The following KIAA0586 variants were observed in gnomAD, a reference collection of about 807,000 sequenced individuals.
KIAA0586 encodes KIAA0586.
KIAA0586 carries 144 observed loss-of-function variants against 169.8 expected under a neutral mutation model. The observed-to-expected ratio is 0.85, with a 90% confidence interval of 0.74 to 0.97. The LOEUF is 0.97. Ranked by LOEUF, KIAA0586 falls within the 50% of genes least tolerant of loss-of-function variation. KIAA0586 has a pLI of 0.00. For missense variants in KIAA0586, 1,854 were observed against 1,823.0 expected (o/e 1.02, Z -0.31); for synonymous variants, 625 against 612.4 (o/e 1.02, Z -0.30).
chr14:58,527,349 A>G (rs1304151658), intron 29 of KIAA0586, among the ~76,000 whole-genome samples: 1 of 152,190 alleles, frequency 6.6e-6, no homozygotes, highest in Non-Finnish European at 1.5e-5. Flanking sequence ...CAGGAAATAT[A>G]GAGCATACCA....
intron 29 of KIAA0586, among the ~76,000 whole-genome samples, chr14:58,530,958 T>C (rs1377580162): frequency 6.6e-6 from 1 of 152,090 alleles, no homozygotes; most frequent in Non-Finnish European, 1.5e-5. Flanking sequence ...AAAGGGCTAA[T>C]ATCTAGAATC....
At chr14:58,530,184 G>C (rs961258165) in intron 29 of KIAA0586, among the ~76,000 whole-genome samples, 1 of 151,956 alleles carries the variant, frequency 6.6e-6, no homozygotes, top group African/African-American at 2.4e-5. Context: ...CACTGCTCAA[G>C]GAAATAAGGA....
rs755889131 is a variant in KIAA0586 at position 58,482,599 on chromosome 14, G to A, written c.3031G>A (p.Glu1011Lys). ...NSNVIKHFVN[E>K]ALAETIAVML... ...AAATGTGATTAAACATTTTGTTAAC[G>A]AAGCTCTTGCTGAGACCATTGCTGT... The change falls in exon 21 of 31, where the codon GAA becomes AAA. Residue 1011 changes from glutamate (E) to lysine (K), a missense_variant. Glu to Lys is a moderately conservative substitution (Grantham distance 56). Coordinates refer to ENST00000652326, the MANE Select transcript of KIAA0586 (RefSeq NM_001329943.3). 28 of 1,605,398 alleles carry A rather than the reference G, an allele frequency of 1.7e-5. No homozygotes were observed. Among genetic ancestry groups the A allele is most frequent in the African/African-American group, 1.3e-4 (10 of 74,426 alleles).
At chr14:58,461,829 T>G (rs1213911199) in intron 14 of KIAA0586, among the ~76,000 whole-genome samples, 2 of 152,252 alleles carry the variant, frequency 1.3e-5, no homozygotes, top group East Asian at 3.8e-4. Context: ...AAAACTTTTT[T>G]GTTGCTTTTG....
intron 4 of KIAA0586, among the ~76,000 whole-genome samples, chr14:58,434,805 C>G (rs993747121): frequency 6.6e-6 from 1 of 152,250 alleles, no homozygotes; most frequent in African/African-American, 2.4e-5. Flanking sequence ...GGATCTCGCT[C>G]TGTCACCCAG....
chr14:58,445,783 CTTTTTT>C (rs34119416), intron 6 of KIAA0586, among the ~76,000 whole-genome samples: 1 of 124,792 alleles, frequency 8.0e-6, no homozygotes, highest in Non-Finnish European at 1.6e-5. Context: ...TCAGTAAACT[CTTTTTT>C]TTTTTTTTTT....
At chr14:58,515,515 T>C (rs2044688876) in intron 29 of KIAA0586, among the ~76,000 whole-genome samples, 1 of 152,162 alleles carries the variant, frequency 6.6e-6, no homozygotes, top group Non-Finnish European at 1.5e-5. Context: ...AGTAGAATGG[T>C]GCATTTTTTG....
chr14:58,462,214 C>A (rs2040381292), intron 14 of KIAA0586, among the ~76,000 whole-genome samples: 2 of 149,902 alleles, frequency 1.3e-5, no homozygotes, highest in Non-Finnish European at 1.5e-5. Context: ...TGGTATTTAC[C>A]CTGAAGTTTT....
intron 4 of KIAA0586, among the ~76,000 whole-genome samples, chr14:58,442,333 C>T (rs1175086590): frequency 2.0e-5 from 3 of 152,352 alleles, no homozygotes; most frequent in African/African-American, 7.2e-5. Flanking sequence ...TGGCCTCTAA[C>T]TCCTGACCTG....
At chr14:58,454,849 C>T (rs2039689026) in intron 9 of KIAA0586, among the ~76,000 whole-genome samples, 1 of 152,178 alleles carries the variant, frequency 6.6e-6, no homozygotes, top group Non-Finnish European at 1.5e-5. Context: ...CACTTTTGAA[C>T]AATAATTTTG....
chr14:58,500,738 A>T (rs866456208), intron 27 of KIAA0586, among the ~76,000 whole-genome samples: 3 of 151,720 alleles, frequency 2.0e-5, no homozygotes, highest in African/African-American at 7.3e-5. Context: ...AAAAAAAAGA[A>T]AAGAAACACT....
chr14:58,518,189 A>G (rs2044902169), intron 29 of KIAA0586, among the ~76,000 whole-genome samples: 1 of 152,218 alleles, frequency 6.6e-6, no homozygotes, highest in Non-Finnish European at 1.5e-5. Context: ...CTAAAAGCTT[A>G]TCACTTGGGA....
downstream of KIAA0586, among the ~76,000 whole-genome samples, chr14:58,554,857 A>C (rs1025425071): frequency 6.6e-6 from 1 of 152,156 alleles, no homozygotes; most frequent in Non-Finnish European, 1.5e-5. Context: ...CATGGGCTGT[A>C]GTGTGCCAGC....
intron 2 of KIAA0586, among the ~76,000 whole-genome samples, chr14:58,429,968 C>T (rs1018368794): frequency 6.6e-6 from 1 of 152,118 alleles, no homozygotes; most frequent in Admixed American, 6.5e-5. Flanking sequence ...ATAGTGTTGA[C>T]CTATGTATTG....
In KIAA0586 at chr14:58,551,149, A is replaced by G. The variant is rs905508280; in HGVS notation, c.*3217A>G. On this transcript the variant is annotated 3_prime_UTR_variant, in exon 31 of 31. Transcript: ENST00000652326. ...GGTGGCAACGAGCTGAGACTGCACCACTTAACTCCAGCCTGGGCAACAGAG... is the reference window on the plus strand; with the variant it reads ...GGTGGCAACGAGCTGAGACTGCACCGCTTAACTCCAGCCTGGGCAACAGAG... 1.3e-5 allele frequency: 2 copies of G among 151,920 alleles called. No individual in the cohort carries two copies. The highest frequency in any genetic ancestry group is 3.2e-3 in the Middle Eastern group (1 of 316). The allele number at this position is 151,920 out of a possible 1,614,324, so 9.4% of individuals were successfully genotyped here.
rs5808974 is a variant in KIAA0586, at chr14:58,489,223, A to ATTTT, written c.3781+362_3781+365dup. On this transcript the variant is annotated intron_variant, in intron 24 of 30. Transcript: ENST00000652326. ...CTATGCATATTGTTTTGAAACCTGA[A>ATTTT]TTTTTTTTTTTTTTTTGAGACAGGT... Among the ~76,000 whole-genome samples the ATTTT allele has an allele frequency of 7.4e-3, 1,002 of 135,632 alleles. 40 individuals are homozygous for ATTTT. Among genetic ancestry groups the ATTTT allele is most frequent in the Non-Finnish European group, 9.6e-3 (624 of 65,138 alleles). The allele number at this position is 135,632 out of a possible 152,430, so 89.0% of individuals were successfully genotyped here.
At chr14:58,469,473 G>A (rs1213794020) in intron 16 of KIAA0586, among the ~76,000 whole-genome samples, 1 of 152,176 alleles carries the variant, frequency 6.6e-6, no homozygotes, top group Admixed American at 6.5e-5. Context: ...GGCTTCGGGA[G>A]ACCTGGGGAC....
chr14:58,556,790 G>C, the KIAA0586 span, among the ~76,000 whole-genome samples: 50 of 152,128 alleles, frequency 3.3e-4, no homozygotes, highest in African/African-American at 1.2e-3. Context: ...TTGTTGTCCA[G>C]GCTGGAGTGC....
chr14:58,449,708 A>C (rs1002835287), intron 7 of KIAA0586, among the ~76,000 whole-genome samples: 1 of 152,178 alleles, frequency 6.6e-6, no homozygotes, highest in Non-Finnish European at 1.5e-5. Context: ...AGTATGACCC[A>C]GCTGAGTGCC....
Sources: allele counts gnomAD v4.1 joint callset (sites outside exome capture counted in the v4.1 genomes callset), GRCh38; gene constraint gnomAD v4.1.1; transcripts MANE v1.5; gene names NCBI Gene and HGNC (gene_info 2026-07-23, HGNC 2026-07-21).